KMT2D: variants seen among roughly 807,000 people sequenced by gnomAD.
KMT2D encodes the protein lysine methyltransferase 2D, also known as histone-lysine N-methyltransferase 2D.
KMT2D carries 55 observed loss-of-function variants against 512.7 expected under a neutral mutation model. The observed-to-expected ratio is 0.11, with a 90% confidence interval of 0.09 to 0.13. The LOEUF (loss-of-function observed/expected upper bound fraction) is 0.13. KMT2D is among the 10% of genes least tolerant of loss of function. The pLI, the probability that KMT2D is intolerant of heterozygous loss-of-function variation, is 1.00. For synonymous variants in KMT2D, 2,995 were observed against 2,904.0 expected (o/e 1.03, Z -1.01); for missense variants, 6,061 against 7,127.9 (o/e 0.85, Z 5.39).
Position 49,044,059 on chromosome 12 carries a change from GTGACACTT to G in KMT2D, c.5189-69_5189-62del, listed in dbSNP as rs996921381. ...GAGCATGCTGCTCCCAACTTGCAGG[GTGACACTT>G]TGTGCCTACTCTCTCCCACAACACC... On this transcript the variant is annotated intron_variant, in intron 22 of 54. Transcript: ENST00000301067. The surrounding 1 kb of genome is among the most constrained non-coding windows in gnomAD (Gnocchi z 6.4). The G allele has an allele frequency of 8.7e-6, 14 of 1,606,124 alleles. No homozygotes were observed. Among genetic ancestry groups the G allele is most frequent in the Non-Finnish European group, 1.1e-5 (13 of 1,175,724 alleles).
At chr12:49,048,811 GC>G (rs2120627487) in intron 13 of KMT2D, 42 bp from the exon 14 acceptor site, 1 of 1,332,920 alleles carries the variant, frequency 7.5e-7, no homozygotes, top group Non-Finnish European at 1.1e-6. Flanking sequence ...AGATAAATCT[GC>G]CCCCACCAAG....
At position 49,050,716 on chromosome 12, in the gene KMT2D, C is replaced by T. The variant is rs766682523; in HGVS notation, c.2872G>A (p.Glu958Lys). The change falls in exon 12 of 55, where the codon GAG (glutamate) becomes AAG (lysine). Residue 958 changes from glutamate (E) to lysine (K), a missense_variant. Transcript: ENST00000301067. ...PPALSPLGEL[E>K]YPFGAKGDSD... ...TCCCCTTTGGCACCAAAGGGGTACTCTAACTCCCCCAAAGGAGACAGGGCC... is the reference window on the plus strand; with the variant it reads ...TCCCCTTTGGCACCAAAGGGGTACTTTAACTCCCCCAAAGGAGACAGGGCC... The T allele has an allele frequency of 5.0e-6, 8 of 1,613,324 alleles. No homozygotes were observed. The Admixed American group carries it at 1.2e-4, about 24-fold the overall frequency.
At chr12:49,055,990 C>T (rs753417510) in intron 1 of KMT2D, among the ~76,000 whole-genome samples, 3 of 152,236 alleles carry the variant, frequency 2.0e-5, no homozygotes, top group Non-Finnish European at 2.9e-5. Context: ...CAACCCAAAT[C>T]CAGCTCAGAC....
chr12:49,029,660 T>TC (rs1410571103), intron 43 of KMT2D, among the ~76,000 whole-genome samples, 184 bp from the exon 44 acceptor site: 2 of 142,850 alleles, frequency 1.4e-5, no homozygotes, highest in Non-Finnish European at 3.0e-5. Context: ...CAGGCACTGT[T>TC]GTTTTTTGTT....
rs1435442270 is a variant in KMT2D, at chr12:49,044,156, C to T, written c.5188+44G>A. On this transcript the variant is annotated intron_variant, in intron 22 of 54. Transcript: ENST00000301067. The surrounding 1 kb of genome is among the most constrained non-coding windows in gnomAD (Gnocchi z 6.4). ...CACCCCCTGGGTCTCTCTAGCATTGCCCCACCTTCTCCCAGGCCCCACTGG... is the reference window on the plus strand; with the variant it reads ...CACCCCCTGGGTCTCTCTAGCATTGTCCCACCTTCTCCCAGGCCCCACTGG... 3 of 1,597,400 alleles carry T rather than the reference C, an allele frequency of 1.9e-6. No homozygotes were observed. The African/African-American group carries it at 4.0e-5, about 21-fold the overall frequency.
rs2120661011 is a variant in KMT2D, at chr12:49,050,975, G to A, written c.2708C>T (p.Pro903Leu). The change falls in exon 11 of 55, where the codon CCT becomes CTT. Residue 903 changes from proline to leucine, a missense_variant. Pro to Leu is a moderately conservative substitution (Grantham distance 98). Coordinates refer to ENST00000301067, the MANE Select transcript of KMT2D (RefSeq NM_003482.4). ...PLLGEPALSE[P>L]GEPPLSPLPE... ...CAGAGGGGACAGAGGTGGTTCCCCAGGCTCAGACAGGGCTGGCTCTCCAAG... is the reference window on the plus strand; with the variant it reads ...CAGAGGGGACAGAGGTGGTTCCCCAAGCTCAGACAGGGCTGGCTCTCCAAG... 2.6e-6 allele frequency: 4 copies of A among 1,564,010 alleles called. No individual in the cohort carries two copies. The highest frequency in any genetic ancestry group is 3.5e-6 in the Non-Finnish European group (4 of 1,156,552).
At position 49,039,250 on chromosome 12, in the gene KMT2D, T is replaced by C. The variant is rs1401653908; in HGVS notation, c.8338A>G (p.Thr2780Ala). The change falls in exon 34 of 55, where the codon ACG becomes GCG. Residue 2780 changes from threonine to alanine, a missense_variant. Thr to Ala is a moderately conservative substitution (Grantham distance 58, BLOSUM62 0). Transcript: ENST00000301067. The surrounding 1 kb of genome is among the most constrained non-coding windows in gnomAD (Gnocchi z 5.0). ...CTGTTCACATCCATAGAGGAAGGCG[T>C]GGCTGGTGGAGGTGGCCGGGAGAGT... ...DRLSRPPPPA[T>A]PSSMDVNSRQ... 6.2e-7 allele frequency: 1 copy of C among 1,613,674 alleles called. No individual in the cohort carries two copies. The highest frequency in any genetic ancestry group is 1.1e-5 in the South Asian group (1 of 91,086).
chr12:49,043,519 C>G (rs2120569723), intron 24 of KMT2D, 91 bp from the exon 25 acceptor site: 1 of 1,589,122 alleles, frequency 6.3e-7, no homozygotes, highest in East Asian at 2.2e-5. Flanking sequence ...AGGCCAGGAC[C>G]CTTGACCCCA....
Position 49,050,867 on chromosome 12 carries a change from A to G in KMT2D, c.2797+19T>C, listed in dbSNP as rs1243959169. ...AGTTACAGCTGTTCCAGAATAACAG[A>G]GTACTAACATCCCCTTACCTGGTGG... On this transcript the variant is annotated intron_variant, in intron 11 of 54. Transcript: ENST00000301067. 6.5e-7 allele frequency: 1 copy of G among 1,544,786 alleles called. No homozygotes were observed. Among genetic ancestry groups the G allele is most frequent in the Admixed American group, 1.9e-5 (1 of 51,782 alleles).
chr12:49,025,347 G>A (rs1762118961), intron 49 of KMT2D, among the ~76,000 whole-genome samples: 2 of 152,220 alleles, frequency 1.3e-5, no homozygotes, highest in Admixed American at 1.3e-4. Context: ...ATATACAACA[G>A]TGGTCTGGTA....
rs755573725 is a variant in KMT2D, at chr12:49,042,326, G to A, written c.5872C>T (p.Arg1958Cys). ...GGTTCCGGGCTAAAGAAGCCCCCGC[G>A]CTCCCTGGGGCGCAGGGGCAGAGAG... is the stretch of plus-strand genomic sequence containing the variant. ...CQSPFLDSRE[R>C]GGFFSPEPGE... is the part of the protein sequence containing the mutation. The change falls in exon 29 of 55, where the codon CGC becomes TGC. Residue 1958 changes from arginine to cysteine, a missense_variant. By Grantham distance (180) the Arg-to-Cys change is radical. Transcript: ENST00000301067. This position sits in a 1 kb window ranked among gnomAD's most constrained non-coding sequence, Gnocchi z 4.4. 5.9e-6 allele frequency: 9 copies of A among 1,527,336 alleles called. No homozygotes were observed. Among genetic ancestry groups the A allele is most frequent in the African/African-American group, 1.4e-5 (1 of 72,186 alleles). The allele number at this position is 1,527,336 out of a possible 1,614,324, so 94.6% of individuals were successfully genotyped here. A position where few individuals can be genotyped will look rare whatever the true frequency, so the allele number is the denominator to read the frequency against.
rs1449494133 is a variant in KMT2D at position 49,051,601 on chromosome 12, C to G, written c.2082G>C (p.Glu694Asp). Residue 694 changes from glutamate to aspartate, a missense_variant, in exon 11 of 55, where the codon GAG (glutamate) becomes GAC (aspartate). Transcript: ENST00000301067. ...PEASRLSPPP[E>D]DSPTSPPPED... Reference sequence around the variant, plus strand: ...CAGGTGGTGGGGATGTGGGGGAGTCCTCAGGTGGTGGGGAGAGGCGTGAAG... The same window carrying G: ...CAGGTGGTGGGGATGTGGGGGAGTCGTCAGGTGGTGGGGAGAGGCGTGAAG... 6.3e-7 allele frequency: 1 copy of G among 1,588,694 alleles called. No individual in the cohort carries two copies.
rs371911838 is a variant in KMT2D at position 49,051,446 on chromosome 12, C to T, written c.2237G>A (p.Arg746Gln). The T allele has an allele frequency of 1.1e-4, 174 of 1,610,948 alleles. No homozygotes were observed. Among genetic ancestry groups the T allele is most frequent in the Admixed American group, 2.2e-4 (13 of 59,766 alleles). The stretch of plus-strand genomic sequence containing the variant: ...GGGGGACAGGTGCGGCTCCTCAGGC[C>T]GGGGTGACAGGTGCGGCCCCTCGGA... ...PRSEGPHLSPRPEEPHLSPRP... is the reference protein window; with the variant it reads ...PRSEGPHLSPQPEEPHLSPRP... The change falls in exon 11 of 55, where the codon CGG (arginine) becomes CAG (glutamine). Residue 746 changes from arginine to glutamine, a missense_variant. Arg to Gln is a conservative substitution (Grantham distance 43). Around this residue, in one of 16 missense-constraint regions of KMT2D, gnomAD observed 848 missense variants for 838.5 expected, o/e 1.01. Transcript: ENST00000301067.
In KMT2D at chr12:49,033,736, G is replaced by A; in HGVS notation, c.10969C>T (p.Leu3657=). The A allele has an allele frequency of 6.2e-7, 1 of 1,613,502 alleles. No individual in the cohort carries two copies. Among genetic ancestry groups the A allele is most frequent in the Non-Finnish European group, 8.5e-7 (1 of 1,179,822 alleles). The stretch of plus-strand genomic sequence containing the variant: ...GGTAGTGCCATACCCCCAGGGGTCA[G>A]GCGAAGACCTCCGGCTTGCCCACCC... ...PPGGQAGGLR[L]TPGGMALPGQ... Residue 3657 remains leucine (L), a synonymous_variant, in exon 40 of 55, where the codon CTG becomes TTG. Coordinates refer to ENST00000301067, the MANE Select transcript of KMT2D (RefSeq NM_003482.4).
rs2120476593 is a variant in KMT2D, at chr12:49,037,272, C to T, written c.10084G>A (p.Gly3362Arg). Residue 3362 changes from glycine (G) to arginine (R), a missense_variant, in exon 35 of 55, where the codon GGA becomes AGA. Physicochemically the swap from Gly to Arg is moderately radical, Grantham distance 125. Coordinates refer to ENST00000301067, the MANE Select transcript of KMT2D (RefSeq NM_003482.4). ...NQGHMLSGQH[G>R]GQAGLVPQQS... ...TGGGGTACCAAGCCTGCCTGCCCTC[C>T]ATGCTGCCCACTTAGCATATGCCCT... is the stretch of plus-strand genomic sequence containing the variant. The T allele has an allele frequency of 3.1e-6, 5 of 1,613,746 alleles. No homozygotes were observed. The highest frequency in any genetic ancestry group is 4.2e-6 in the Non-Finnish European group (5 of 1,179,854).
chr12:49,059,705 GCCCCCCGCA>G lies in KMT2D; in HGVS notation c.-139_-131del, dbSNP rs1938622530. 1 of 151,666 alleles carries G rather than the reference GCCCCCCGCA, an allele frequency of 6.6e-6. No homozygotes were observed. 9.4% of individuals were successfully genotyped at this position (151,666 alleles called of 1,614,324 possible). A position where few individuals can be genotyped will look rare whatever the true frequency, so the allele number is the denominator to read the frequency against. On this transcript the variant is annotated 5_prime_UTR_variant, in exon 1 of 55. Coordinates refer to ENST00000301067, the MANE Select transcript of KMT2D (RefSeq NM_003482.4). ...TCCAACCGCCAGAGCGATCACAGCC[GCCCCCCGCA>G]CGGGGGGGCTTAGGGGGGCCAAGAA...
chr12:49,028,307 C>A (rs1390978707), intron 46 of KMT2D, among the ~76,000 whole-genome samples, 166 bp from the exon 47 acceptor site: 1 of 152,186 alleles, frequency 6.6e-6, no homozygotes, highest in Non-Finnish European at 1.5e-5. Flanking sequence ...GCAGCCTTTC[C>A]CAAACTGCTG....
At chr12:49,049,055 G>A (rs1937740366) in intron 13 of KMT2D, 50 bp downstream of exon 13, 3 of 1,154,604 alleles carry the variant, frequency 2.6e-6, no homozygotes, top group East Asian at 2.4e-5. Flanking sequence ...GGACTCAGAG[G>A]GTGCTAAAGC....
chr12:49,047,103 C>A (rs1943825582), intron 15 of KMT2D, among the ~76,000 whole-genome samples: 1 of 152,176 alleles, frequency 6.6e-6, no homozygotes, highest in Non-Finnish European at 1.5e-5. Flanking sequence ...GCCTCACCCT[C>A]CCGAAGTAAA....
Sources: allele counts gnomAD v4.1 joint callset (sites outside exome capture counted in the v4.1 genomes callset), GRCh38; gene constraint gnomAD v4.1.1; regional missense constraint gnomAD v4.1.1; non-coding constraint Gnocchi (gnomAD v3.1); transcripts MANE v1.5; gene names NCBI Gene and HGNC (gene_info 2026-07-23, HGNC 2026-07-21).